The following JAK3 variants were observed in gnomAD, a reference collection of about 807,000 sequenced individuals.
JAK3 encodes Janus kinase 3, also known as tyrosine-protein kinase JAK3.
A neutral mutation model predicts 120.8 loss-of-function variants in JAK3; 88 were observed. The ratio of observed to expected loss-of-function variants is 0.73; its 90% confidence interval spans 0.61 to 0.87. The LOEUF is 0.87. Among genes scored for constraint, JAK3 ranks in the 40% least tolerant of loss-of-function variants. JAK3 has a pLI of 0.00. For synonymous variants in JAK3, 592 were observed against 628.6 expected, an observed-to-expected ratio of 0.94 and a Z score of 0.87; for missense variants, 1,254 against 1,501.4, an observed-to-expected ratio of 0.84 and a Z score of 2.72.
chr19:17,840,372 G>A (rs1162985789), intron 8 of JAK3, 31 bp from the exon 9 acceptor site: 1 of 1,431,068 alleles, frequency 7.0e-7, no homozygotes, highest in Non-Finnish European at 9.8e-7. Flanking sequence ...GAATGGGGAG[G>A]AGTCAGAGAT....
chr19:17,830,734 C>T, intron 21 of JAK3, 114 bp from the exon 22 acceptor site: 1 of 818,900 alleles, frequency 1.2e-6, no homozygotes, highest in Non-Finnish European at 2.1e-6. Context: ...CAGGTCAGTC[C>T]CGTCTCCAGG....
At chr19:17,844,127 G>A in intron 2 of JAK3, 107 bp downstream of exon 2, 1 of 1,316,290 alleles carries the variant, frequency 7.6e-7, no homozygotes, top group Non-Finnish European at 1.1e-6. Flanking sequence ...ATCCCCCAAA[G>A]CCCCAGCTCC....
intron 9 of JAK3, 75 bp from the exon 10 acceptor site, chr19:17,839,738 CTTTTTTT>C (rs71164315): frequency 1.3e-4 from 103 of 796,030 alleles, no homozygotes; most frequent in East Asian, 5.8e-4. Context: ...CCTTTTTTTT[CTTTTTTT>C]TTTTTTTTTT....
intron 9 of JAK3, 62 bp from the exon 10 acceptor site, chr19:17,839,725 CT>C (rs1048754363): frequency 4.9e-6 from 5 of 1,029,118 alleles, no homozygotes; most frequent in South Asian, 2.9e-5. Context: ...CTCAGTCCTT[CT>C]TCCTTTTTTT....
intron 21 of JAK3, among the ~76,000 whole-genome samples, chr19:17,830,873 T>C (rs1408906322): frequency 0.023 from 234 of 10,152 alleles, no homozygotes; most frequent in Middle Eastern, 0.1. Context: ...GCCAGAGCCG[T>C]GGGAGGGGGA....
Position 17,832,284 on chromosome 19 carries a change from A to G in JAK3, c.2680+235T>C, listed in dbSNP as rs1208186763. Among the ~76,000 whole-genome samples, 1 of 152,096 alleles carries G rather than the reference A, an allele frequency of 6.6e-6. No homozygotes were observed. Among genetic ancestry groups the G allele is most frequent in the African/African-American group, 2.4e-5 (1 of 41,412 alleles). On this transcript the variant is annotated intron_variant, in intron 19 of 23. Transcript: ENST00000458235. This position sits in a 1 kb window ranked among gnomAD's most constrained non-coding sequence, Gnocchi z 4.7. Reference sequence around the variant, plus strand: ...TCAAAAAAACAAACAAACAACAACAACAACAAAGTAAATATCACAATGGCC... The same window carrying G: ...TCAAAAAAACAAACAAACAACAACAGCAACAAAGTAAATATCACAATGGCC...
In JAK3 at chr19:17,841,517, A is replaced by C; in HGVS notation, c.1014T>G (p.Ala338=). The change falls in exon 8 of 24, where the codon GCT becomes GCG. Residue 338 remains alanine (A), a synonymous_variant. Coordinates refer to ENST00000458235, the MANE Select transcript of JAK3 (RefSeq NM_000215.4). This position sits in a 1 kb window ranked among gnomAD's most constrained non-coding sequence, Gnocchi z 4.1. ...LEAEFPGLPE[A]LSFVALVDGY... is the part of the protein sequence containing the mutation. ...CGTCCACGAGCGCCACGAACGACAGAGCCTCGGGCAGCCCTGGGAACTCGG... is the reference window on the plus strand; with the variant it reads ...CGTCCACGAGCGCCACGAACGACAGCGCCTCGGGCAGCCCTGGGAACTCGG... 3 of 1,582,220 alleles carry C rather than the reference A, an allele frequency of 1.9e-6. No individual in the cohort carries two copies. The highest frequency in any genetic ancestry group is 2.6e-6 in the Non-Finnish European group (3 of 1,164,186).
intron 1 of JAK3, 63 bp downstream of exon 1, chr19:17,847,883 C>CAA: frequency 1.8e-6 from 1 of 542,444 alleles, no homozygotes; most frequent in Non-Finnish European, 2.4e-6. Flanking sequence ...GCCCAGCCAT[C>CAA]CCCCGCCACC....
At chr19:17,827,440 T>A (rs1216133278) in intron 23 of JAK3, among the ~76,000 whole-genome samples, 1 of 149,796 alleles carries the variant, frequency 6.7e-6, no homozygotes. Context: ...CCCTGCCTCC[T>A]GGGTTCAAGC....
chr19:17,836,170 C>T, intron 13 of JAK3, 119 bp from the exon 14 acceptor site: 2 of 1,158,388 alleles, frequency 1.7e-6, no homozygotes, highest in Non-Finnish European at 2.5e-6. Flanking sequence ...TGTTCCCTCC[C>T]CTGCTGCCTC....
rs1307862743 is a variant in JAK3, at chr19:17,834,676, A to G, written c.2245T>C (p.Trp749Arg). The G allele has an allele frequency of 6.2e-7, 1 of 1,613,852 alleles. No individual in the cohort carries two copies. The highest frequency in any genetic ancestry group is 2.2e-5 in the East Asian group (1 of 44,856). Reference protein sequence around the residue: ...EDRQQLPAPKWTELALLIQQC... With the variant: ...EDRQQLPAPKRTELALLIQQC... The stretch of plus-strand genomic sequence containing the variant: ...TGAATCAGCAGGGCCAGCTCTGTCC[A>G]CTTGGGGGCCGGCAGCTGCTGCCGG... The change falls in exon 17 of 24, where the codon TGG becomes CGG. Residue 749 changes from tryptophan (W) to arginine (R), a missense_variant. Trp to Arg is a moderately radical substitution (Grantham distance 101). Around this residue, in one of 3 missense-constraint regions of JAK3, gnomAD observed 630 missense variants for 819.8 expected, o/e 0.77. Transcript: ENST00000458235.
chr19:17,844,441 G>T lies in JAK3; in HGVS notation c.-13-11C>A. ...ATGAGTGCAACTTGCCTGGGGCACA[G>T]AGAGAAAAAGCCCCTCAGTCCTGGT... On this transcript the variant is annotated splice_polypyrimidine_tract_variant and intron_variant, in intron 1 of 23. Transcript: ENST00000458235. 6.3e-7 allele frequency: 1 copy of T among 1,596,606 alleles called. No individual in the cohort carries two copies. Among genetic ancestry groups the T allele is most frequent in the East Asian group, 2.3e-5 (1 of 44,210 alleles).
In JAK3 at chr19:17,834,684, G is replaced by A. The variant is rs2094220656; in HGVS notation, c.2237C>T (p.Ala746Val). ...CAGGGCCAGCTCTGTCCACTTGGGG[G>A]CCGGCAGCTGCTGCCGGTCCTCATA... ...QFYEDRQQLP[A>V]PKWTELALLI... The change falls in exon 17 of 24, where the codon GCC (alanine) becomes GTC (valine). Residue 746 changes from alanine to valine, a missense_variant. Around this residue, in one of 3 missense-constraint regions of JAK3, gnomAD observed 630 missense variants for 819.8 expected, o/e 0.77. Transcript: ENST00000458235. The A allele has an allele frequency of 3.1e-6, 5 of 1,614,028 alleles. No individual in the cohort carries two copies. The African/African-American group carries it at 5.3e-5, about 17-fold the overall frequency.
chr19:17,842,940 C>A lies in JAK3; in HGVS notation c.566+87G>T. ...CACCCTGAAAGCTTGCAGGAGAACT[C>A]CATGGTGGGAGCCCGGCAAAGCCCC... On this transcript the variant is annotated intron_variant, in intron 5 of 23. Transcript: ENST00000458235. The surrounding 1 kb of genome is among the most constrained non-coding windows in gnomAD (Gnocchi z 6.4). 6.4e-7 allele frequency: 1 copy of A among 1,565,984 alleles called. No individual in the cohort carries two copies. Among genetic ancestry groups the A allele is most frequent in the South Asian group, 1.1e-5 (1 of 90,066 alleles).
At position 17,839,582 on chromosome 19, in the gene JAK3, G is replaced by A. The variant is rs2094232614; in HGVS notation, c.1336C>T (p.Pro446Ser). ...GTFLLVGLSR[P>S]HSSLRELLAT... ...AGGAGCTCTCGAAGACTGCTGTGGG[G>A]TCGGCTGAGGCCAACCAGAAGGAAG... Residue 446 changes from proline to serine, a missense_variant, in exon 10 of 24, where the codon CCC becomes TCC. Pro to Ser is a moderately conservative substitution (Grantham distance 74). This residue lies in a region of JAK3 where 486 missense variants were observed against 503.0 expected (regional missense o/e 0.97). Transcript: ENST00000458235. 1.9e-6 allele frequency: 3 copies of A among 1,611,324 alleles called. No individual in the cohort carries two copies. Among genetic ancestry groups the A allele is most frequent in the Non-Finnish European group, 2.5e-6 (3 of 1,179,136 alleles).
Position 17,830,519 on chromosome 19 carries a change from C to T in JAK3, c.3080G>A (p.Ser1027Asn), listed in dbSNP as rs201009411. ...LYELFTYCDK[S>N]CSPSAEFLRM... ...CCGACTCACGGCCGAGGGGCTGCAGCTTTTGTCGCAGTAGGTGAAGAGCTC... is the reference window on the plus strand; with the variant it reads ...CCGACTCACGGCCGAGGGGCTGCAGTTTTTGTCGCAGTAGGTGAAGAGCTC... Residue 1027 changes from serine to asparagine, a missense_variant, in exon 22 of 24, where the codon AGC becomes AAC. By Grantham distance (46) the Ser-to-Asn change is conservative. Around this residue, in one of 3 missense-constraint regions of JAK3, gnomAD observed 630 missense variants for 819.8 expected, o/e 0.77. Coordinates refer to ENST00000458235, the MANE Select transcript of JAK3 (RefSeq NM_000215.4). 5 of 1,613,348 alleles carry T rather than the reference C, an allele frequency of 3.1e-6. No homozygotes were observed. Among genetic ancestry groups the T allele is most frequent in the Non-Finnish European group, 4.2e-6 (5 of 1,179,674 alleles).
At chr19:17,833,988 C>T (rs528223333) in intron 17 of JAK3, among the ~76,000 whole-genome samples, 177 of 152,212 alleles carry the variant, frequency 1.2e-3, no homozygotes, top group African/African-American at 4.0e-3. Context: ...TGGGCTCAAG[C>T]GATCCACCTA....
At chr19:17,830,243 G>C in intron 22 of JAK3, 25 bp from the exon 23 acceptor site, 1 of 1,535,914 alleles carries the variant, frequency 6.5e-7, no homozygotes, top group Non-Finnish European at 8.8e-7. Context: ...GAGCGCATGT[G>C]GTGGGGGAGG....
rs777830679 is a variant in JAK3 at position 17,842,395 on chromosome 19, G to A, written c.782C>T (p.Ala261Val). 2.0e-5 allele frequency: 32 copies of A among 1,583,732 alleles called. No individual in the cohort carries two copies. In the African/African-American group the frequency reaches 3.6e-4, roughly 18 times the overall value. ...AETFHVGLPGALGGHDGLGLL... is the reference protein window; with the variant it reads ...AETFHVGLPGVLGGHDGLGLL... ...CCCCAGCCCGTCGTGGCCACCAAGG[G>A]CCCCAGGGAGGCCCACGTGGAAGGT... The change falls in exon 6 of 24, where the codon GCC becomes GTC. Residue 261 changes from alanine (A) to valine (V), a missense_variant. Physicochemically the swap from Ala to Val is moderately conservative, Grantham distance 64. Around this residue, in one of 3 missense-constraint regions of JAK3, gnomAD observed 486 missense variants for 503.0 expected, o/e 0.97. Transcript: ENST00000458235. The surrounding 1 kb of genome is among the most constrained non-coding windows in gnomAD (Gnocchi z 6.4).
Sources: allele counts gnomAD v4.1 joint callset (sites outside exome capture counted in the v4.1 genomes callset), GRCh38; gene constraint gnomAD v4.1.1; regional missense constraint gnomAD v4.1.1; non-coding constraint Gnocchi (gnomAD v3.1); transcripts MANE v1.5; gene names NCBI Gene and HGNC (gene_info 2026-07-23, HGNC 2026-07-21).